RNH1: variants seen among roughly 807,000 people sequenced by gnomAD.
The protein encoded by RNH1 is ribonuclease inhibitor.
Under a neutral mutation model 46.1 loss-of-function variants are expected in RNH1, and 38 were observed. The observed-to-expected ratio is 0.82, with a 90% CI of 0.64 to 1.08. RNH1 has a LOEUF of 1.08. Ranked by LOEUF, RNH1 falls within the 50% of genes least tolerant of loss-of-function variation. The probability of loss-of-function intolerance (pLI) is 0.00; values close to 1 mark genes in which losing one functional copy is unlikely to be tolerated. For missense variants in RNH1, 577 were observed against 590.7 expected, an observed-to-expected ratio of 0.98 and a Z score of 0.24; for synonymous variants, 319 against 279.1, an observed-to-expected ratio of 1.14 and a Z score of -1.43.
chr11:499,047 C>T lies in RNH1; in HGVS notation c.582G>A (p.Leu194=). ...CCTCCAGCTGGCAGGGGGAGTCCTT[C>T]AGGCCCTGGCACAGCACACGGACGC... ...EAGVRVLCQG[L]KDSPCQLEAL... Residue 194 remains leucine, a synonymous_variant, in exon 6 of 11, where the codon CTG becomes CTA. Coordinates refer to ENST00000354420, the MANE Select transcript of RNH1 (RefSeq NM_203387.3). 1 of 1,613,320 alleles carries T rather than the reference C, an allele frequency of 6.2e-7. No homozygotes were observed. The highest frequency in any genetic ancestry group is 8.5e-7 in the Non-Finnish European group (1 of 1,179,954).
intron 9 of RNH1, among the ~76,000 whole-genome samples, chr11:497,693 ACACGGACACT>A: frequency 7.6e-6 from 1 of 132,272 alleles, no homozygotes; most frequent in Non-Finnish European, 1.8e-5. Context: ...ATGTGCTCAC[ACACGGACACT>A]CGTGCTCATT....
chr11:499,753 G>A, intron 5 of RNH1, 76 bp downstream of exon 5: 1 of 1,547,270 alleles, frequency 6.5e-7, no homozygotes, highest in South Asian at 1.2e-5. Flanking sequence ...CTCCTGGCAG[G>A]CGATGTTCTA....
In RNH1 at chr11:498,390, C is replaced by G. The variant is rs1234435369; in HGVS notation, c.956+67G>C. 46 of 1,579,478 alleles carry G rather than the reference C, an allele frequency of 2.9e-5. No homozygotes were observed. In the East Asian group the frequency reaches 8.9e-4, roughly 31 times the overall value. On this transcript the variant is annotated intron_variant, in intron 8 of 10. Coordinates refer to ENST00000354420, the MANE Select transcript of RNH1 (RefSeq NM_203387.3). ...CTTCCCTGGAGTCGCTCACTCCTCC[C>G]CTGGTCTCCTCGGTCACCCTGGCCC... is the stretch of plus-strand genomic sequence containing the variant.
Position 501,134 on chromosome 11 carries a change from G to T in RNH1, c.102-480C>A. The T allele has an allele frequency of 6.8e-6, 2 of 295,796 alleles. No individual in the cohort carries two copies. The highest frequency in any genetic ancestry group is 3.1e-5 in the South Asian group (1 of 32,598). The allele number at this position is 295,796 out of a possible 1,614,324, so 18.3% of individuals were successfully genotyped here. A position where few individuals can be genotyped will look rare whatever the true frequency, so the allele number is the denominator to read the frequency against. ...AATGCCCTGTCTCTAAAAATAAAAA[G>T]AATTTAAAGTATCTCTCGAAGGCAC... On this transcript the variant is annotated intron_variant, in intron 3 of 10. Transcript: ENST00000354420. This position sits in a 1 kb window ranked among gnomAD's most constrained non-coding sequence, Gnocchi z 4.1.
chr11:503,528 T>G (rs1035872304), intron 2 of RNH1: 12 of 142,190 alleles, frequency 8.4e-5, no homozygotes, highest in Non-Finnish European at 9.0e-5. Context: ...AGGAACTGAA[T>G]CCAACCGACC....
At chr11:505,588 A>G (rs945826436) in intron 1 of RNH1, 2 of 152,170 alleles carry the variant, frequency 1.3e-5, no homozygotes, top group Non-Finnish European at 2.9e-5. Flanking sequence ...GGCCTATAAA[A>G]CAGCCTGTGA....
chr11:506,699 T>C (rs1850300720), intron 1 of RNH1: 1 of 152,282 alleles, frequency 6.6e-6, no homozygotes, highest in East Asian at 1.9e-4. Flanking sequence ...GGGAATAAGG[T>C]CAAGGATTAC....
At chr11:500,776 CAA>C (rs774227493) in intron 3 of RNH1, 122 bp from the exon 4 acceptor site, 10 of 1,028,664 alleles carry the variant, frequency 9.7e-6, no homozygotes, top group Non-Finnish European at 1.5e-5. Context: ...GCAAGTCACA[CAA>C]GACATTTCAG....
rs552376737 is a variant in RNH1, at chr11:499,322, C to T, written c.444-137G>A. 1.1e-5 allele frequency: 10 copies of T among 913,108 alleles called. No individual in the cohort carries two copies. In the East Asian group the frequency reaches 2.4e-4, roughly 22 times the overall value. 56.6% of individuals were successfully genotyped at this position (913,108 alleles called of 1,614,324 possible). ...GCATCAGGTGTCAGTGCTGAGGGAC[C>T]CCCACAGACTCATCCAGAGGCCCGG... On this transcript the variant is annotated intron_variant, in intron 5 of 10. Coordinates refer to ENST00000354420, the MANE Select transcript of RNH1 (RefSeq NM_203387.3).
At chr11:497,298 T>C (rs113690406) in intron 9 of RNH1, among the ~76,000 whole-genome samples, 1,633 of 127,638 alleles carry the variant, frequency 0.013, 3 homozygotes, top group African/African-American at 0.049. Flanking sequence ...TGCTCATTCT[T>C]GCCCATGTGC....
At chr11:500,080 G>A in intron 4 of RNH1, 81 bp from the exon 5 acceptor site, 1 of 1,427,444 alleles carries the variant, frequency 7.0e-7, no homozygotes, top group East Asian at 2.5e-5. Context: ...AGAGCCCGGA[G>A]CAGCACTCTT....
chr11:498,353 T>G, intron 8 of RNH1, 104 bp downstream of exon 8: 1 of 1,473,676 alleles, frequency 6.8e-7, no homozygotes. Flanking sequence ...AGGTCGGAGC[T>G]GAGCCCAGCA....
At chr11:494,814 T>C in intron 10 of RNH1, 36 bp from the exon 11 acceptor site, 1 of 1,612,100 alleles carries the variant, frequency 6.2e-7, no homozygotes, top group Non-Finnish European at 8.5e-7. Context: ...TGGGCCCGTG[T>C]CCTCCCCCAC....
At chr11:497,841 C>G in intron 9 of RNH1, 130 bp downstream of exon 9, 1 of 1,153,720 alleles carries the variant, frequency 8.7e-7, no homozygotes, top group Non-Finnish European at 1.2e-6. Flanking sequence ...TCACACTCGC[C>G]TCACCCATGT....
At chr11:499,672 G>C in intron 5 of RNH1, 157 bp downstream of exon 5, 1 of 863,814 alleles carries the variant, frequency 1.2e-6, no homozygotes, top group Non-Finnish European at 1.8e-6. Flanking sequence ...GCACCACAAG[G>C]CCCCAGACCC....
At chr11:503,546 C>G (rs1849944176) in intron 2 of RNH1, 1 of 140,724 alleles carries the variant, frequency 7.1e-6, no homozygotes, top group African/African-American at 2.7e-5. Context: ...ACCCGAAGCA[C>G]GTGAGCAAAA....
chr11:494,858 C>T (rs907830205), intron 10 of RNH1, 25 bp downstream of exon 10: 4 of 1,611,652 alleles, frequency 2.5e-6, no homozygotes, highest in Admixed American at 1.7e-5. Flanking sequence ...CCTGGCCGCA[C>T]CACCCGCCCA....
rs1849735384 is a variant in RNH1, at chr11:501,362, A to G, written c.101+700T>C. ...CTGGCCAGACCCTCAGACCACCAAGAACCCAGAGAGACGAGGGGACAGTCA... is the reference window on the plus strand; with the variant it reads ...CTGGCCAGACCCTCAGACCACCAAGGACCCAGAGAGACGAGGGGACAGTCA... On this transcript the variant is annotated intron_variant, in intron 3 of 10. Coordinates refer to ENST00000354420, the MANE Select transcript of RNH1 (RefSeq NM_203387.3). The surrounding 1 kb of genome is among the most constrained non-coding windows in gnomAD (Gnocchi z 4.1). 6.1e-6 allele frequency: 1 copy of G among 164,332 alleles called. No individual in the cohort carries two copies. The highest frequency in any genetic ancestry group is 2.4e-5 in the African/African-American group (1 of 41,486). The allele number at this position is 164,332 out of a possible 1,614,324, so 10.2% of individuals were successfully genotyped here. A position where few individuals can be genotyped will look rare whatever the true frequency, so the allele number is the denominator to read the frequency against.
intron 7 of RNH1, 45 bp from the exon 8 acceptor site, chr11:498,672 T>A: frequency 1.2e-6 from 2 of 1,605,578 alleles, no homozygotes; most frequent in South Asian, 1.1e-5. Flanking sequence ...CACCGTCTCA[T>A]GGCCTGAGAT....
Sources: gnomAD v4.1 joint callset for allele counts (sites outside exome capture counted in the v4.1 genomes callset) on GRCh38, gnomAD v4.1.1 for gene constraint, Gnocchi (gnomAD v3.1) non-coding constraint, MANE v1.5 for transcripts, NCBI Gene and HGNC (gene_info 2026-07-23, HGNC 2026-07-21) for gene names.